EPM2A: variants seen among roughly 807,000 people sequenced by gnomAD.
The protein encoded by EPM2A is EPM2A glucan phosphatase, laforin.
Under a neutral mutation model 26.5 loss-of-function variants are expected in EPM2A, and 21 were observed. That is an observed-to-expected ratio of 0.79 (90% confidence interval 0.56 to 1.14). EPM2A has a LOEUF of 1.14. EPM2A is among the 50% of genes most tolerant of loss of function. EPM2A has a pLI of 0.00. For missense variants in EPM2A, 458 were observed against 440.8 expected, an observed-to-expected ratio of 1.04 and a Z score of -0.35; for synonymous variants, 217 against 177.6, an observed-to-expected ratio of 1.22 and a Z score of -1.76.
At chr6:145,536,265 G>C (rs1480726757) in intron 2 of EPM2A, among the ~76,000 whole-genome samples, 1 of 144,938 alleles carries the variant, frequency 6.9e-6, no homozygotes, top group African/African-American at 2.6e-5. Flanking sequence ...TTTTGTTTTT[G>C]TTTTTGTTTT....
chr6:145,716,006 A>G (rs182180538), intron 1 of EPM2A, among the ~76,000 whole-genome samples: 1 of 152,278 alleles, frequency 6.6e-6, no homozygotes, highest in East Asian at 1.9e-4. Flanking sequence ...ATCTACCACA[A>G]AACTGGTCTC....
At chr6:145,518,809 G>C (rs968682680) in intron 2 of EPM2A, among the ~76,000 whole-genome samples, 1 of 152,102 alleles carries the variant, frequency 6.6e-6, no homozygotes, top group Non-Finnish European at 1.5e-5. Context: ...CAGAACCCCA[G>C]AGTAATAATC....
intron 2 of EPM2A, chr6:145,682,480 T>A (rs1325359400): frequency 6.6e-6 from 1 of 152,180 alleles, no homozygotes; most frequent in East Asian, 1.9e-4. Context: ...TACGTCCTCA[T>A]AAAGATTTCC....
chr6:145,736,017 T>C (rs932922831), upstream of EPM2A: 2 of 152,028 alleles, frequency 1.3e-5, no homozygotes, highest in African/African-American at 2.4e-5. Flanking sequence ...TCAGGTTCTT[T>C]GTCTGTAAAA....
intron 1 of EPM2A, among the ~76,000 whole-genome samples, chr6:145,690,483 G>A (rs1781207612): frequency 7.3e-6 from 1 of 137,540 alleles, no homozygotes; most frequent in Non-Finnish European, 1.5e-5. Flanking sequence ...GCAGTCCGCA[G>A]TCCGGCCTGG....
intron 4 of EPM2A, among the ~76,000 whole-genome samples, chr6:145,438,955 C>T (rs1268499068): frequency 6.6e-6 from 1 of 151,936 alleles, no homozygotes; most frequent in Non-Finnish European, 1.5e-5. Context: ...TAAACCTCTC[C>T]CTTCTCCCAT....
At position 145,690,403 on chromosome 6, in the gene EPM2A, G is replaced by A. The variant is rs549552494; in HGVS notation, c.302-4107C>T. On this transcript the variant is annotated intron_variant, in intron 1 of 3. Coordinates refer to ENST00000367519, the MANE Select transcript of EPM2A (RefSeq NM_005670.4). ...CGGGCGCCTGTAGTCCCAGCTACTC[G>A]GGAGGCTGAGGCAGGAGAATGGCGT... 4.6e-5 allele frequency among the ~76,000 whole-genome samples: 7 copies of A among 151,290 alleles called. No homozygotes were observed. In the East Asian group the frequency reaches 7.8e-4, roughly 17 times the overall value.
At chr6:145,716,388 A>C (rs1583112793) in intron 1 of EPM2A, among the ~76,000 whole-genome samples, 1 of 152,198 alleles carries the variant, frequency 6.6e-6, no homozygotes, top group African/African-American at 2.4e-5. Context: ...AAAGCTCCCA[A>C]GGTGATCCTA....
At chr6:145,512,558 A>G (rs970385016) in intron 2 of EPM2A, among the ~76,000 whole-genome samples, 1 of 151,704 alleles carries the variant, frequency 6.6e-6, no homozygotes, top group African/African-American at 2.4e-5. Flanking sequence ...CTAAAAATAC[A>G]AAAATTAGCC....
intron 2 of EPM2A, among the ~76,000 whole-genome samples, chr6:145,540,008 C>G (rs1259937707): frequency 6.6e-6 from 1 of 152,098 alleles, no homozygotes; most frequent in African/African-American, 2.4e-5. Flanking sequence ...CTAGACAATC[C>G]TTCACCATTT....
chr6:145,405,179 G>A (rs781391614), intron 4 of EPM2A, among the ~76,000 whole-genome samples: 121 of 152,254 alleles, frequency 7.9e-4, no homozygotes, highest in Non-Finnish European at 1.5e-3. Flanking sequence ...CTAAGAAGAT[G>A]TTGGACTTGA....
chr6:145,430,192 CAAAT>C (rs1778904036), intron 4 of EPM2A, among the ~76,000 whole-genome samples: 1 of 149,478 alleles, frequency 6.7e-6, no homozygotes, highest in Non-Finnish European at 1.5e-5. Flanking sequence ...AACTCCGTCT[CAAAT>C]AAATAAATAA....
chr6:145,569,153 A>C (rs1780922837), intron 2 of EPM2A, among the ~76,000 whole-genome samples: 1 of 152,256 alleles, frequency 6.6e-6, no homozygotes, highest in African/African-American at 2.4e-5. Flanking sequence ...GATTCCTGCA[A>C]ATTGTGAGTA....
intron 2 of EPM2A, among the ~76,000 whole-genome samples, chr6:145,600,879 T>C (rs1199377239): frequency 1.3e-5 from 2 of 152,236 alleles, no homozygotes; most frequent in Non-Finnish European, 1.5e-5. Flanking sequence ...TGGCTTCACC[T>C]GTCCCTCAGA....
chr6:145,472,765 G>C (rs1016051351), intron 4 of EPM2A, among the ~76,000 whole-genome samples: 9 of 152,128 alleles, frequency 5.9e-5, no homozygotes, highest in Non-Finnish European at 1.3e-4. Flanking sequence ...ATGCGAGATA[G>C]ACTTCTATCT....
chr6:145,561,589 C>T (rs1780805283), intron 2 of EPM2A, among the ~76,000 whole-genome samples: 1 of 152,128 alleles, frequency 6.6e-6, no homozygotes, highest in African/African-American at 2.4e-5. Context: ...TAAATGATAG[C>T]CATGAGTCAG....
At chr6:145,542,048 G>A (rs574896004) in intron 2 of EPM2A, among the ~76,000 whole-genome samples, 1 of 151,824 alleles carries the variant, frequency 6.6e-6, no homozygotes, top group African/African-American at 2.4e-5. Flanking sequence ...TGTGCAATTA[G>A]TAGAAAACAT....
intron 2 of EPM2A, among the ~76,000 whole-genome samples, chr6:145,645,058 C>G (rs1165912524): frequency 6.6e-6 from 1 of 152,188 alleles, no homozygotes; most frequent in African/African-American, 2.4e-5. Flanking sequence ...CAACTCTAAT[C>G]GTCATGAGTG....
At chr6:145,482,445 G>A (rs1162047100) in intron 4 of EPM2A, among the ~76,000 whole-genome samples, 1 of 152,012 alleles carries the variant, frequency 6.6e-6, no homozygotes, top group Non-Finnish European at 1.5e-5. Flanking sequence ...ACAGCATGTA[G>A]GTGACAATAA....
Sources: allele counts gnomAD v4.1 joint callset (sites outside exome capture counted in the v4.1 genomes callset), GRCh38; gene constraint gnomAD v4.1.1; transcripts MANE v1.5; gene names NCBI Gene and HGNC (gene_info 2026-07-23, HGNC 2026-07-21).